The following DOT1L variants were observed in gnomAD, a reference collection of about 807,000 sequenced individuals.
DOT1L encodes the protein histone-lysine N-methyltransferase, H3 lysine-79 specific.
DOT1L carries 33 observed loss-of-function variants against 153.3 expected under a neutral mutation model. The observed-to-expected ratio is 0.22, with a 90% CI of 0.16 to 0.29. DOT1L has a LOEUF of 0.29. Among genes scored for constraint, DOT1L ranks in the 10% least tolerant of loss-of-function variants. The pLI, the probability that DOT1L is intolerant of heterozygous loss-of-function variation, is 1.00. For synonymous variants in DOT1L, 1,135 were observed against 965.1 expected, an observed-to-expected ratio of 1.18 and a Z score of -3.26; for missense variants, 1,847 against 2,119.9, an observed-to-expected ratio of 0.87 and a Z score of 2.53.
chr19:2,183,930 T>G (rs1426993969), intron 2 of DOT1L, among the ~76,000 whole-genome samples: 1 of 126,048 alleles, frequency 7.9e-6, no homozygotes, highest in Non-Finnish European at 1.9e-5. Flanking sequence ...CGGCCTTTGG[T>G]GCTTTTTTAT....
chr19:2,232,422 G>A lies in DOT1L; in HGVS notation c.*2630G>A, dbSNP rs879674922. Reference sequence around the variant, plus strand: ...GCTGGTCTGTGTCAGCCTTTGTAACGTGGGAGGCTCTGCCGTGTCTTCCGG... The same window carrying A: ...GCTGGTCTGTGTCAGCCTTTGTAACATGGGAGGCTCTGCCGTGTCTTCCGG... On this transcript the variant is annotated 3_prime_UTR_variant, in exon 28 of 28. Transcript: ENST00000398665. The A allele has an allele frequency of 8.4e-5, 18 of 215,336 alleles. No individual in the cohort carries two copies. The highest frequency in any genetic ancestry group is 2.1e-4 in the African/African-American group (9 of 43,640). 13.3% of individuals were successfully genotyped at this position (215,336 alleles called of 1,614,324 possible). A position where few individuals can be genotyped will look rare whatever the true frequency, so the allele number is the denominator to read the frequency against.
At chr19:2,224,059 C>T (rs548619500) in intron 25 of DOT1L, among the ~76,000 whole-genome samples, 9 of 152,254 alleles carry the variant, frequency 5.9e-5, no homozygotes, top group East Asian at 3.9e-4. Flanking sequence ...CTCCTAGGAG[C>T]GGAGTCACAC....
chr19:2,199,441 C>T (rs1025541063), intron 7 of DOT1L, among the ~76,000 whole-genome samples: 1 of 152,264 alleles, frequency 6.6e-6, no homozygotes, highest in African/African-American at 2.4e-5. Flanking sequence ...CGCCCTGTGG[C>T]CTCCCTCAGG....
intron 27 of DOT1L, 123 bp downstream of exon 27, chr19:2,227,250 C>T (rs770271738): frequency 9.3e-6 from 12 of 1,283,920 alleles, no homozygotes; most frequent in Non-Finnish European, 2.2e-6. Context: ...TGGTGCCGGC[C>T]GGCCCCCGCC....
chr19:2,217,962 C>CA lies in DOT1L; in HGVS notation c.2691+48dup. 7.5e-6 allele frequency: 12 copies of CA among 1,598,910 alleles called. No homozygotes were observed. The highest frequency in any genetic ancestry group is 1.0e-5 in the Non-Finnish European group (12 of 1,175,306). ...GCTGTCCCCAAGGGCCACGTTGAGGCAAAACAGTCTGGGGTGCTCGAGACC... is the reference window on the plus strand; with the variant it reads ...GCTGTCCCCAAGGGCCACGTTGAGGCAAAAACAGTCTGGGGTGCTCGAGACC... On this transcript the variant is annotated intron_variant, in intron 22 of 27. Transcript: ENST00000398665. The surrounding 1 kb of genome is among the most constrained non-coding windows in gnomAD (Gnocchi z 7.3).
intron 22 of DOT1L, among the ~76,000 whole-genome samples, chr19:2,218,310 C>T (rs933226990): frequency 4.6e-5 from 7 of 152,198 alleles, no homozygotes; most frequent in African/African-American, 7.2e-5. Context: ...GTAGCATGGG[C>T]GGGATTTTCT....
In DOT1L at chr19:2,206,720, G is replaced by A; in HGVS notation, c.788-9G>A. On this transcript the variant is annotated splice_polypyrimidine_tract_variant and intron_variant, in intron 9 of 27. Coordinates refer to ENST00000398665, the MANE Select transcript of DOT1L (RefSeq NM_032482.3). The stretch of plus-strand genomic sequence containing the variant: ...TCCTGTGTGGCAGTAAGCAGTGTCT[G>A]TGTTTCAGGTGGCAGAATCGTGTCC... 6.2e-7 allele frequency: 1 copy of A among 1,613,742 alleles called. No homozygotes were observed. The highest frequency in any genetic ancestry group is 8.5e-7 in the Non-Finnish European group (1 of 1,179,764).
Position 2,207,481 on chromosome 19 carries a change from C to T in DOT1L, c.857-93C>T. 1 of 1,082,592 alleles carries T rather than the reference C, an allele frequency of 9.2e-7. No individual in the cohort carries two copies. The highest frequency in any genetic ancestry group is 1.6e-5 in the African/African-American group (1 of 63,662). 67.1% of individuals were successfully genotyped at this position (1,082,592 alleles called of 1,614,324 possible). On this transcript the variant is annotated intron_variant, in intron 10 of 27. Transcript: ENST00000398665. This position sits in a 1 kb window ranked among gnomAD's most constrained non-coding sequence, Gnocchi z 4.5. ...GAAGAGGGAAGACGCGCAGCTCAGG[C>T]TTCTGTCCCCACGCCTGCCCTGGGG...
chr19:2,211,628 C>G (rs1004856858), intron 15 of DOT1L, 123 bp from the exon 16 acceptor site: 7 of 817,584 alleles, frequency 8.6e-6, no homozygotes, highest in African/African-American at 1.7e-5. Context: ...CTCTGCTGAG[C>G]TCCTGCCTCA....
chr19:2,183,696 G>A (rs1403361018), intron 2 of DOT1L, among the ~76,000 whole-genome samples: 1 of 150,724 alleles, frequency 6.6e-6, no homozygotes, highest in African/African-American at 2.4e-5. Context: ...GCGCATCCTC[G>A]GCTCCCTGCA....
In DOT1L at chr19:2,199,873, T is replaced by A. The variant is rs531218743; in HGVS notation, c.652-11T>A. On this transcript the variant is annotated splice_polypyrimidine_tract_variant and intron_variant, in intron 7 of 27. Transcript: ENST00000398665. ...CCGGGGGTCCGCGCTCACACCTGTT[T>A]TCCCTTTCAGTTGGAGAGAGGCGAT... The A allele has an allele frequency of 1.2e-6, 2 of 1,613,674 alleles. No individual in the cohort carries two copies. The highest frequency in any genetic ancestry group is 1.7e-6 in the Non-Finnish European group (2 of 1,179,680).
chr19:2,179,622 A>G (rs1283179604), intron 1 of DOT1L, among the ~76,000 whole-genome samples: 1 of 152,168 alleles, frequency 6.6e-6, no homozygotes, highest in African/African-American at 2.4e-5. Flanking sequence ...AGCCTGATCA[A>G]CATGGAGAAA....
At chr19:2,181,216 G>C (rs763630871) in intron 2 of DOT1L, among the ~76,000 whole-genome samples, 3 of 152,226 alleles carry the variant, frequency 2.0e-5, no homozygotes, top group Non-Finnish European at 2.9e-5. Context: ...GAGGCCCTCT[G>C]GGTGCCTCTC....
rs2022896141 is a variant in DOT1L at position 2,193,744 on chromosome 19, T to C, written c.549T>C (p.Tyr183=). 2 of 1,614,156 alleles carry C rather than the reference T, an allele frequency of 1.2e-6. No homozygotes were observed. Among genetic ancestry groups the C allele is most frequent in the East Asian group, 2.2e-5 (1 of 44,886 alleles). The change falls in exon 6 of 28, where the codon TAT becomes TAC. Residue 183 remains tyrosine (Y), a synonymous_variant. Coordinates refer to ENST00000398665, the MANE Select transcript of DOT1L (RefSeq NM_032482.3). The surrounding 1 kb of genome is among the most constrained non-coding windows in gnomAD (Gnocchi z 5.9). The stretch of plus-strand genomic sequence containing the variant: ...CTGCCACCAACTGCAAACATCACTA[T>C]GGCGTCGAGAAAGCAGACATCCCGG... ...VAAATNCKHH[Y]GVEKADIPAK...
In DOT1L at chr19:2,227,246, C is replaced by T. The variant is rs748293297; in HGVS notation, c.4606+119C>T. The stretch of plus-strand genomic sequence containing the variant: ...AGCTGAGCTGCAGGTCCCCTGGTGC[C>T]GGCCGGCCCCCGCCATCCGTGCACG... On this transcript the variant is annotated intron_variant, in intron 27 of 27. Transcript: ENST00000398665. The T allele has an allele frequency of 2.0e-5, 27 of 1,323,416 alleles. 1 individual carries two copies. In the South Asian group the frequency reaches 2.4e-4, roughly 12 times the overall value. 82.0% of individuals were successfully genotyped at this position (1,323,416 alleles called of 1,614,324 possible).
intron 2 of DOT1L, among the ~76,000 whole-genome samples, chr19:2,182,945 A>T (rs907996649): frequency 3.9e-5 from 6 of 152,148 alleles, no homozygotes; most frequent in African/African-American, 1.4e-4. Flanking sequence ...AGGGGCGTGC[A>T]CCAACACCTG....
intron 12 of DOT1L, 91 bp from the exon 13 acceptor site, chr19:2,210,309 C>T (rs1401607563): frequency 8.6e-7 from 1 of 1,161,110 alleles, no homozygotes; most frequent in Non-Finnish European, 1.2e-6. Flanking sequence ...GGCCCGTGGC[C>T]CCCTTGAGTC....
chr19:2,189,588 T>G, intron 3 of DOT1L, 144 bp from the exon 4 acceptor site: 1 of 825,628 alleles, frequency 1.2e-6, no homozygotes, highest in East Asian at 2.7e-5. Context: ...GCGAGGCTTC[T>G]GCCAGAAGGG....
intron 18 of DOT1L, 33 bp downstream of exon 18, chr19:2,214,019 A>T: frequency 6.2e-7 from 1 of 1,604,050 alleles, no homozygotes; most frequent in Non-Finnish European, 8.5e-7. Flanking sequence ...AGGGACGTGG[A>T]ACCAGAGGGG....
Sources: gnomAD v4.1 joint callset for allele counts (sites outside exome capture counted in the v4.1 genomes callset) on GRCh38, gnomAD v4.1.1 for gene constraint, Gnocchi (gnomAD v3.1) non-coding constraint, MANE v1.5 for transcripts, NCBI Gene and HGNC (gene_info 2026-07-23, HGNC 2026-07-21) for gene names.